METAP1D: variants seen among roughly 807,000 people sequenced by gnomAD.
METAP1D encodes methionine aminopeptidase 1D, mitochondrial.
In METAP1D, 31 loss-of-function variants were observed where a neutral mutation model predicts 40.5. That is an observed-to-expected ratio of 0.77 (90% CI 0.58 to 1.03). The LOEUF is 1.03. Among genes scored for constraint, METAP1D ranks in the 50% least tolerant of loss-of-function variants. METAP1D has a pLI of 0.00. For missense variants in METAP1D, 411 were observed against 420.7 expected, an observed-to-expected ratio of 0.98 and a Z score of 0.20; for synonymous variants, 151 against 146.4, an observed-to-expected ratio of 1.03 and a Z score of -0.22.
At chr2:172,055,981 C>T (rs1689993993) in intron 1 of METAP1D, among the ~76,000 whole-genome samples, 1 of 152,170 alleles carries the variant, frequency 6.6e-6, no homozygotes, top group Non-Finnish European at 1.5e-5. Context: ...AAAGCCTCAT[C>T]CAGATATCTA....
chr2:172,055,327 G>A (rs1485836358), intron 1 of METAP1D, among the ~76,000 whole-genome samples: 2 of 152,294 alleles, frequency 1.3e-5, no homozygotes, highest in South Asian at 2.1e-4. Flanking sequence ...TATCAGCAGT[G>A]CTTTTGTCAA....
At chr2:172,061,761 T>A in intron 2 of METAP1D, 106 bp downstream of exon 2, 1 of 1,031,508 alleles carries the variant, frequency 9.7e-7, no homozygotes, top group Non-Finnish European at 1.3e-6. Context: ...ATTTGGGTTT[T>A]AATTTTCAAA....
At position 172,063,772 on chromosome 2, in the gene METAP1D, A is replaced by T. The variant is rs984736335; in HGVS notation, c.260A>T (p.Glu87Val). 6.2e-7 allele frequency: 1 copy of T among 1,614,120 alleles called. No individual in the cohort carries two copies. The highest frequency in any genetic ancestry group is 8.5e-7 in the Non-Finnish European group (1 of 1,180,002). Residue 87 changes from glutamate (E) to valine (V), a missense_variant, in exon 3 of 10, where the codon GAA becomes GTA. Glu to Val is a moderately radical substitution (Grantham distance 121). Coordinates refer to ENST00000315796, the MANE Select transcript of METAP1D (RefSeq NM_199227.3). The part of the protein sequence containing the change: ...GIVPDWGDSI[E>V]VKNEDQIQGL... ...GTACCAGACTGGGGAGACAGCATAG[A>T]AGTTAAGAATGAAGATCAGATTCAA...
intron 1 of METAP1D, among the ~76,000 whole-genome samples, chr2:172,016,475 G>T (rs1387627791): frequency 1.3e-5 from 2 of 150,594 alleles, no homozygotes; most frequent in African/African-American, 4.9e-5. Flanking sequence ...ACAAAAATTA[G>T]CTGGACGTGG....
chr2:172,008,504 T>C (rs1574086104), intron 1 of METAP1D, among the ~76,000 whole-genome samples: 1 of 152,290 alleles, frequency 6.6e-6, no homozygotes, highest in East Asian at 1.9e-4. Flanking sequence ...TCCCAGACCC[T>C]CAGTGGATGT....
intron 1 of METAP1D, among the ~76,000 whole-genome samples, chr2:172,003,177 G>A (rs1053643758): frequency 6.6e-6 from 1 of 152,118 alleles, no homozygotes; most frequent in Non-Finnish European, 1.5e-5. Context: ...TTGGAAAGAG[G>A]AAAAGACAGA....
At chr2:172,027,921 A>C (rs1333923491) in intron 1 of METAP1D, among the ~76,000 whole-genome samples, 1 of 152,182 alleles carries the variant, frequency 6.6e-6, no homozygotes, top group Non-Finnish European at 1.5e-5. Context: ...ATTTCACCAG[A>C]CTGAAGAGAC....
intron 1 of METAP1D, among the ~76,000 whole-genome samples, chr2:172,024,127 G>T (rs1438143641): frequency 1.3e-5 from 2 of 152,096 alleles, no homozygotes; most frequent in African/African-American, 4.8e-5. Flanking sequence ...CCAAAGTGCT[G>T]GGATTACAGG....
chr2:172,069,686 G>A lies in METAP1D; in HGVS notation c.541-1221G>A, dbSNP rs140695826. On this transcript the variant is annotated intron_variant, in intron 5 of 9. Transcript: ENST00000315796. The stretch of plus-strand genomic sequence containing the variant: ...GAGTAAATGTATAAAACACTATTCT[G>A]TTGCAAGGTAATTAAGATAATTTGA... Among the ~76,000 whole-genome samples the A allele has an allele frequency of 7.2e-4, 109 of 152,262 alleles. 1 individual carries two copies. Among genetic ancestry groups the A allele is most frequent in the African/African-American group, 2.3e-3 (96 of 41,546 alleles).
rs377439261 is a variant in METAP1D at position 172,077,902 on chromosome 2, A to G, written c.802+8A>G. Reference sequence around the variant, plus strand: ...CAGAAATTTGGCATCATGGTAAGAAAGTTCATTTGGAGGCTGTTTCTTGAT... The same window carrying G: ...CAGAAATTTGGCATCATGGTAAGAAGGTTCATTTGGAGGCTGTTTCTTGAT... On this transcript the variant is annotated splice_region_variant and intron_variant, in intron 7 of 9. Coordinates refer to ENST00000315796, the MANE Select transcript of METAP1D (RefSeq NM_199227.3). 4.1e-4 allele frequency: 612 copies of G among 1,504,232 alleles called. 1 individual carries two copies. Among genetic ancestry groups the G allele is most frequent in the Non-Finnish European group, 5.2e-4 (569 of 1,083,926 alleles). 93.2% of individuals were successfully genotyped at this position (1,504,232 alleles called of 1,614,324 possible). A position where few individuals can be genotyped will look rare whatever the true frequency, so the allele number is the denominator to read the frequency against.
Position 172,036,369 on chromosome 2 carries a change from C to G in METAP1D, c.41-25129C>G, listed in dbSNP as rs147988962. On this transcript the variant is annotated intron_variant, in intron 1 of 9. Coordinates refer to ENST00000315796, the MANE Select transcript of METAP1D (RefSeq NM_199227.3). ...AATTTATTCTGTAGTTGATGGACAT[C>G]TGGGTTGTTTCCACCTTTTTCTTTT... Among the ~76,000 whole-genome samples, 488 of 149,676 alleles carry G rather than the reference C, an allele frequency of 3.3e-3. 6 individuals are homozygous for G. Among genetic ancestry groups the G allele is most frequent in the African/African-American group, 0.011 (464 of 40,822 alleles).
rs557153851 is a variant in METAP1D at position 172,009,135 on chromosome 2, G to A, written c.40+9126G>A. Among the ~76,000 whole-genome samples the A allele has an allele frequency of 4.6e-5, 7 of 152,154 alleles. No individual in the cohort carries two copies. The East Asian group carries it at 1.4e-3, about 29-fold the overall frequency. On this transcript the variant is annotated intron_variant, in intron 1 of 9. Coordinates refer to ENST00000315796, the MANE Select transcript of METAP1D (RefSeq NM_199227.3). Reference sequence around the variant, plus strand: ...TGCTCACTGCAAACTCCACCTCCCGGGTTCCCGCCATTCTCCTGCCTCAGC... The same window carrying A: ...TGCTCACTGCAAACTCCACCTCCCGAGTTCCCGCCATTCTCCTGCCTCAGC...
At chr2:172,036,112 TCAAGAC>T (rs1430179627) in intron 1 of METAP1D, among the ~76,000 whole-genome samples, 2 of 151,768 alleles carry the variant, frequency 1.3e-5, no homozygotes, top group African/African-American at 2.4e-5. Context: ...GGTCAGGAGA[TCAAGAC>T]CATCCTGGCT....
At chr2:172,077,991 C>T in intron 7 of METAP1D, 97 bp downstream of exon 7, 1 of 583,446 alleles carries the variant, frequency 1.7e-6, no homozygotes, top group South Asian at 2.0e-5. Flanking sequence ...TCTGCATTAT[C>T]AACCTTGTGT....
intron 1 of METAP1D, among the ~76,000 whole-genome samples, chr2:172,031,780 G>A (rs973238593): frequency 1.3e-5 from 2 of 152,344 alleles, no homozygotes; most frequent in Non-Finnish European, 2.9e-5. Flanking sequence ...AAGTAACCCA[G>A]TGACTTAAAG....
chr2:172,007,872 T>A (rs914299602), intron 1 of METAP1D, among the ~76,000 whole-genome samples: 9 of 152,096 alleles, frequency 5.9e-5, no homozygotes, highest in African/African-American at 2.2e-4. Context: ...GTATTTTTAG[T>A]AGAGACGGGG....
chr2:172,030,078 T>TTTATTTATTTA (rs553826009), intron 1 of METAP1D, among the ~76,000 whole-genome samples: 525 of 149,962 alleles, frequency 3.5e-3, no homozygotes, highest in East Asian at 0.012. Context: ...TTTTATTTTA[T>TTTATTTATTTA]TTTATTTATT....
chr2:172,026,609 T>C (rs1431349991), intron 1 of METAP1D, among the ~76,000 whole-genome samples: 1 of 152,216 alleles, frequency 6.6e-6, no homozygotes, highest in Admixed American at 6.5e-5. Context: ...TACCTAGACA[T>C]TCTGTTTGCT....
At position 172,071,000 on chromosome 2, in the gene METAP1D, A is replaced by C; in HGVS notation, c.634A>C (p.Arg212=). 1 of 1,613,354 alleles carries C rather than the reference A, an allele frequency of 6.2e-7. No individual in the cohort carries two copies. Among genetic ancestry groups the C allele is most frequent in the South Asian group, 1.1e-5 (1 of 91,022 alleles). ...TAAAAAGTTAGTGGAGGTTGCCAGG[A>C]GGTGTAGAGATGAAGCAATTGCAGC... ...CGKKLVEVAR[R]CRDEAIAACR... is the part of the protein sequence containing the mutation. Residue 212 remains arginine (R), a synonymous_variant, in exon 6 of 10, where the codon AGG becomes CGG. Transcript: ENST00000315796.
Sources: gnomAD v4.1 joint callset for allele counts (sites outside exome capture counted in the v4.1 genomes callset) on GRCh38, gnomAD v4.1.1 for gene constraint, MANE v1.5 for transcripts, NCBI Gene and HGNC (gene_info 2026-07-23, HGNC 2026-07-21) for gene names.